The following GPR137C variants were observed in gnomAD, a reference collection of about 807,000 sequenced individuals.
The protein encoded by GPR137C is G protein-coupled receptor 137C, also known as integral membrane protein GPR137C.
A neutral mutation model predicts 43.4 loss-of-function variants in GPR137C; 27 were observed. That is an observed-to-expected ratio of 0.62 (90% CI 0.46 to 0.86). The LOEUF (loss-of-function observed/expected upper bound fraction) is 0.86, where lower values mean the gene tolerates loss of function less well. Among genes scored for constraint, GPR137C ranks in the 40% least tolerant of loss-of-function variants. The pLI, the probability that GPR137C is intolerant of heterozygous loss-of-function variation, is 0.00. For synonymous variants in GPR137C, 285 were observed against 226.9 expected (o/e 1.26, Z -2.30); for missense variants, 522 against 534.6 (o/e 0.98, Z 0.23).
chr14:52,560,529 AAG>A (rs1466637536), intron 1 of GPR137C, among the ~76,000 whole-genome samples: 1 of 152,184 alleles, frequency 6.6e-6, no homozygotes, highest in Non-Finnish European at 1.5e-5. Context: ...TACAGTAATC[AAG>A]AGAGTGTAAT....
chr14:52,576,451 A>G (rs1055380333), intron 1 of GPR137C, among the ~76,000 whole-genome samples: 1 of 152,344 alleles, frequency 6.6e-6, no homozygotes, highest in East Asian at 1.9e-4. Context: ...TCTTTTTGAT[A>G]TAAGAATTTC....
At chr14:52,582,644 A>G (rs749285806) in intron 1 of GPR137C, among the ~76,000 whole-genome samples, 6 of 152,106 alleles carry the variant, frequency 3.9e-5, no homozygotes, top group Non-Finnish European at 8.8e-5. Flanking sequence ...AAATACAAAA[A>G]TTAGCCGGGT....
At chr14:52,561,612 A>G (rs930550866) in intron 1 of GPR137C, among the ~76,000 whole-genome samples, 1 of 152,254 alleles carries the variant, frequency 6.6e-6, no homozygotes, top group African/African-American at 2.4e-5. Flanking sequence ...TGAACAAAAT[A>G]TACCAATACA....
rs1486518838 is a variant in GPR137C, at chr14:52,636,002, A to G, written c.*887A>G. 6.6e-6 allele frequency: 1 copy of G among 152,138 alleles called. No homozygotes were observed. The highest frequency in any genetic ancestry group is 1.5e-5 in the Non-Finnish European group (1 of 68,004). 9.4% of individuals were successfully genotyped at this position (152,138 alleles called of 1,614,324 possible). A position where few individuals can be genotyped will look rare whatever the true frequency, so the allele number is the denominator to read the frequency against. On this transcript the variant is annotated 3_prime_UTR_variant, in exon 7 of 7. Coordinates refer to ENST00000321662, the MANE Select transcript of GPR137C (RefSeq NM_001099652.2). ...AAAACATAAATATATTTTCAAAAGC[A>G]TTTGATTTCTCTGAAGCATGATATA...
intron 1 of GPR137C, among the ~76,000 whole-genome samples, chr14:52,584,935 A>T (rs1284773927): frequency 2.0e-5 from 3 of 152,176 alleles, no homozygotes; most frequent in Non-Finnish European, 4.4e-5. Flanking sequence ...TCCATTTTAA[A>T]ATCAGAAAAC....
chr14:52,567,229 A>T (rs565339535), intron 1 of GPR137C, among the ~76,000 whole-genome samples: 1 of 152,232 alleles, frequency 6.6e-6, no homozygotes, highest in Non-Finnish European at 1.5e-5. Flanking sequence ...TCTCTGTATC[A>T]TAGTTTCTCC....
Position 52,635,847 on chromosome 14 carries a change from A to T in GPR137C, c.*732A>T, listed in dbSNP as rs1240003962. Reference sequence around the variant, plus strand: ...TTTGTGTAATTGAGATATATGTAGTAGTTTAAGCATGATTCTTGAAGAAAG... The same window carrying T: ...TTTGTGTAATTGAGATATATGTAGTTGTTTAAGCATGATTCTTGAAGAAAG... On this transcript the variant is annotated 3_prime_UTR_variant, in exon 7 of 7. Coordinates refer to ENST00000321662, the MANE Select transcript of GPR137C (RefSeq NM_001099652.2). The T allele has an allele frequency of 6.6e-6, 1 of 152,170 alleles. No individual in the cohort carries two copies. Among genetic ancestry groups the T allele is most frequent in the Admixed American group, 6.6e-5 (1 of 15,250 alleles). The allele number at this position is 152,170 out of a possible 1,614,324, so 9.4% of individuals were successfully genotyped here. A position where few individuals can be genotyped will look rare whatever the true frequency, so the allele number is the denominator to read the frequency against.
At chr14:52,605,252 C>T (rs1022201035) in intron 3 of GPR137C, among the ~76,000 whole-genome samples, 2 of 151,954 alleles carry the variant, frequency 1.3e-5, no homozygotes, top group Admixed American at 6.6e-5. Context: ...TCATGGTTTT[C>T]ATTATAGAGA....
Position 52,633,901 on chromosome 14 carries a change from A to G in GPR137C, c.1067A>G (p.Asp356Gly), listed in dbSNP as rs1177694061. ...AYFFDNPRRYDSDDDLPRLGS... is the reference protein window; with the variant it reads ...AYFFDNPRRYGSDDDLPRLGS... ...TTTTTCGACAATCCAAGACGATATGATAGTGATGATGACCTGCCAAGACTG... is the reference window on the plus strand; with the variant it reads ...TTTTTCGACAATCCAAGACGATATGGTAGTGATGATGACCTGCCAAGACTG... The change falls in exon 6 of 7, where the codon GAT becomes GGT. Residue 356 changes from aspartate (D) to glycine (G), a missense_variant. Physicochemically the swap from Asp to Gly is moderately conservative, Grantham distance 94. This residue lies in a region of GPR137C where 18 missense variants were observed against 39.9 expected (regional missense o/e 0.45). Coordinates refer to ENST00000321662, the MANE Select transcript of GPR137C (RefSeq NM_001099652.2). 1.2e-6 allele frequency: 2 copies of G among 1,612,334 alleles called. No homozygotes were observed. The highest frequency in any genetic ancestry group is 1.7e-6 in the Non-Finnish European group (2 of 1,178,656).
intron 1 of GPR137C, among the ~76,000 whole-genome samples, chr14:52,556,616 G>T (rs2038198943): frequency 1.3e-5 from 2 of 151,856 alleles, no homozygotes; most frequent in Admixed American, 6.6e-5. Flanking sequence ...CCAGAGAAGG[G>T]TTCACACTCC....
intron 1 of GPR137C, among the ~76,000 whole-genome samples, chr14:52,559,392 CAAAA>C (rs144561136): frequency 0.038 from 5,846 of 151,994 alleles, 353 homozygotes; most frequent in African/African-American, 0.13. Context: ...AAAACAAAAA[CAAAA>C]AACCTTCAAA....
intron 1 of GPR137C, among the ~76,000 whole-genome samples, chr14:52,568,907 A>G (rs2038417615): frequency 6.6e-6 from 1 of 152,208 alleles, no homozygotes; most frequent in African/African-American, 2.4e-5. Context: ...GGCTCTTAAG[A>G]GAGCAGCGGA....
At chr14:52,570,580 A>G (rs190603433) in intron 1 of GPR137C, among the ~76,000 whole-genome samples, 1 of 152,312 alleles carries the variant, frequency 6.6e-6, no homozygotes, top group African/African-American at 2.4e-5. Context: ...AGACCCATTG[A>G]TGTCCTATAT....
At chr14:52,611,961 T>TA (rs1354610190) in intron 3 of GPR137C, 1 of 985,324 alleles carries the variant, frequency 1.0e-6, no homozygotes, top group Non-Finnish European at 1.2e-6. Context: ...GGCTTGTTCT[T>TA]ACAAAACTTG....
At position 52,635,257 on chromosome 14, in the gene GPR137C, C is replaced by A. The variant is rs2039340401; in HGVS notation, c.*142C>A. 3.3e-6 allele frequency: 2 copies of A among 612,870 alleles called. No individual in the cohort carries two copies. The highest frequency in any genetic ancestry group is 1.9e-5 in the African/African-American group (1 of 51,996). The allele number at this position is 612,870 out of a possible 1,614,324, so 38.0% of individuals were successfully genotyped here. On this transcript the variant is annotated 3_prime_UTR_variant, in exon 7 of 7. Transcript: ENST00000321662. ...AAGTGTGGCTGTGTTTGGTAAATAA[C>A]ACAGCTATTATTTTTGACCTCTTCA...
intron 3 of GPR137C, among the ~76,000 whole-genome samples, chr14:52,602,259 A>G (rs1410874698): frequency 6.6e-6 from 1 of 151,898 alleles, no homozygotes; most frequent in Non-Finnish European, 1.5e-5. Context: ...CTTTTATTCA[A>G]TCAACAAGTG....
At chr14:52,612,725 C>CTT (rs555273638) in intron 3 of GPR137C, 10 of 136,246 alleles carry the variant, frequency 7.3e-5, no homozygotes, top group African/African-American at 8.1e-5. Context: ...CCACACTCAG[C>CTT]TTTTTTTTTT....
At chr14:52,574,741 G>A (rs559900318) in intron 1 of GPR137C, among the ~76,000 whole-genome samples, 4 of 152,122 alleles carry the variant, frequency 2.6e-5, no homozygotes, top group East Asian at 1.9e-4. Flanking sequence ...TAAAGCAAGC[G>A]ACATTTCTTC....
At chr14:52,574,354 G>A (rs1292412922) in intron 1 of GPR137C, among the ~76,000 whole-genome samples, 2 of 152,186 alleles carry the variant, frequency 1.3e-5, no homozygotes, top group East Asian at 1.9e-4. Flanking sequence ...TAAAGAAAAT[G>A]TGGCACATAT....
Sources: allele counts gnomAD v4.1 joint callset (sites outside exome capture counted in the v4.1 genomes callset), GRCh38; gene constraint gnomAD v4.1.1; regional missense constraint gnomAD v4.1.1; transcripts MANE v1.5; gene names NCBI Gene and HGNC (gene_info 2026-07-23, HGNC 2026-07-21).